The following EML6 variants were observed in gnomAD, a reference collection of about 807,000 sequenced individuals.
EML6 encodes the protein echinoderm microtubule-associated protein-like 6.
A neutral mutation model predicts 240.1 loss-of-function variants in EML6; 154 were observed. The ratio of observed to expected loss-of-function variants is 0.64; its 90% CI spans 0.56 to 0.73. The LOEUF is 0.73. Among genes scored for constraint, EML6 ranks in the 30% least tolerant of loss-of-function variants. The pLI is 0.00. For missense variants in EML6, 2,964 were observed against 2,474.6 expected (o/e 1.20, Z -4.20); for synonymous variants, 1,148 against 899.0 (o/e 1.28, Z -4.95).
chr2:54,856,344 C>T (rs1336186260), intron 11 of EML6, among the ~76,000 whole-genome samples: 1 of 152,222 alleles, frequency 6.6e-6, no homozygotes, highest in East Asian at 1.9e-4. Context: ...CGCACCCCTA[C>T]TCCAATGGGA....
intron 17 of EML6, among the ~76,000 whole-genome samples, chr2:54,888,996 T>C (rs1417566110): frequency 1.3e-5 from 2 of 152,216 alleles, no homozygotes; most frequent in Non-Finnish European, 2.9e-5. Context: ...ACAAGAGTTC[T>C]TAGCACTCCA....
In EML6 at chr2:54,842,728, G is replaced by C. The variant is rs987111727; in HGVS notation, c.848-1319G>C. ...CAAATAACAAACCCAGTAAGGAACA[G>C]AACAGACTGCAAAAAATCCAAGATA... is the stretch of plus-strand genomic sequence containing the variant. On this transcript the variant is annotated intron_variant, in intron 7 of 41. Transcript: ENST00000356458. 7.2e-5 allele frequency among the ~76,000 whole-genome samples: 11 copies of C among 152,132 alleles called. No individual in the cohort carries two copies. The East Asian group carries it at 2.1e-3, about 29-fold the overall frequency.
At chr2:54,800,586 G>A (rs1322811315) in intron 2 of EML6, among the ~76,000 whole-genome samples, 7 of 151,946 alleles carry the variant, frequency 4.6e-5, no homozygotes, top group South Asian at 2.1e-4. Flanking sequence ...AAGATATAAC[G>A]GCACCCTCCA....
At chr2:54,866,521 A>G (rs1245150495) in intron 13 of EML6, among the ~76,000 whole-genome samples, 3 of 152,186 alleles carry the variant, frequency 2.0e-5, no homozygotes, top group African/African-American at 7.2e-5. Flanking sequence ...AAATTTACTG[A>G]TATATTTTCT....
At chr2:54,773,858 G>C (rs1455212836) in intron 2 of EML6, among the ~76,000 whole-genome samples, 3 of 152,198 alleles carry the variant, frequency 2.0e-5, no homozygotes, top group African/African-American at 7.2e-5. Flanking sequence ...TCTTAGTGTG[G>C]CATGAGAGCA....
At chr2:54,921,374 G>A (rs1674241585) in intron 26 of EML6, among the ~76,000 whole-genome samples, 1 of 152,066 alleles carries the variant, frequency 6.6e-6, no homozygotes, top group Non-Finnish European at 1.5e-5. Context: ...AGCCAAGGAG[G>A]CGAAAGAACT....
At chr2:54,896,531 C>G (rs901417662) in intron 21 of EML6, among the ~76,000 whole-genome samples, 1 of 152,076 alleles carries the variant, frequency 6.6e-6, no homozygotes, top group Non-Finnish European at 1.5e-5. Flanking sequence ...GGTAGTCCTG[C>G]CCAGTTTGGT....
At chr2:54,787,980 G>T (rs538010977) in intron 2 of EML6, among the ~76,000 whole-genome samples, 3 of 151,884 alleles carry the variant, frequency 2.0e-5, no homozygotes, top group Non-Finnish European at 1.5e-5. Flanking sequence ...TCCTCATCTC[G>T]CAGACCCAAA....
At chr2:54,850,797 A>C (rs1670036928) in intron 10 of EML6, among the ~76,000 whole-genome samples, 1 of 152,246 alleles carries the variant, frequency 6.6e-6, no homozygotes, top group Non-Finnish European at 1.5e-5. Flanking sequence ...ACAATGCCTA[A>C]ATGTTTATCA....
intron 2 of EML6, among the ~76,000 whole-genome samples, chr2:54,778,094 G>T (rs1668676304): frequency 1.3e-5 from 2 of 152,044 alleles, no homozygotes; most frequent in Admixed American, 1.3e-4. Flanking sequence ...CAACTGTTTG[G>T]GGTCATTTAG....
At chr2:54,926,662 C>T (rs962261245) in intron 26 of EML6, among the ~76,000 whole-genome samples, 1 of 152,166 alleles carries the variant, frequency 6.6e-6, no homozygotes, top group African/African-American at 2.4e-5. Context: ...CTGTCAATTC[C>T]CTTTATTGTT....
At chr2:54,966,210 G>A (rs1301720272) in intron 38 of EML6, among the ~76,000 whole-genome samples, 2 of 152,214 alleles carry the variant, frequency 1.3e-5, no homozygotes, top group Non-Finnish European at 2.9e-5. Flanking sequence ...CGGGGAGCAT[G>A]TAACAAGGTG....
chr2:54,885,605 C>G (rs923338749), intron 17 of EML6, among the ~76,000 whole-genome samples: 3 of 151,972 alleles, frequency 2.0e-5, no homozygotes, highest in East Asian at 1.9e-4. Context: ...TCCATATTCA[C>G]TTTTTGATTT....
chr2:54,901,815 G>T (rs1041514863), intron 22 of EML6, among the ~76,000 whole-genome samples: 1 of 152,226 alleles, frequency 6.6e-6, no homozygotes, highest in Middle Eastern at 3.2e-3. Flanking sequence ...CCTGGGGTGT[G>T]CTTACAACGC....
intron 2 of EML6, among the ~76,000 whole-genome samples, chr2:54,748,820 T>C (rs72915543): frequency 0.074 from 11,225 of 152,154 alleles, 1,318 homozygotes; most frequent in African/African-American, 0.24. Flanking sequence ...ACCTTGGCCT[T>C]TTAAAATGCT....
At position 54,964,241 on chromosome 2, in the gene EML6, A is replaced by G. The variant is rs577569634; in HGVS notation, c.5330+83A>G. The G allele has an allele frequency of 4.2e-5, 59 of 1,402,506 alleles. 2 individuals are homozygous for G. The South Asian group carries it at 7.8e-4, about 19-fold the overall frequency. 86.9% of individuals were successfully genotyped at this position (1,402,506 alleles called of 1,614,324 possible). On this transcript the variant is annotated intron_variant, in intron 37 of 41. Transcript: ENST00000356458. ...GGTTCCCATTCCAGCCACGGCTGGAATAAAGAACTCAGTTGTGAGAGGGTC... is the reference window on the plus strand; with the variant it reads ...GGTTCCCATTCCAGCCACGGCTGGAGTAAAGAACTCAGTTGTGAGAGGGTC...
At chr2:54,790,557 A>G (rs969096238) in intron 2 of EML6, among the ~76,000 whole-genome samples, 1 of 152,120 alleles carries the variant, frequency 6.6e-6, no homozygotes, top group Non-Finnish European at 1.5e-5. Flanking sequence ...TATCATTCAG[A>G]TACCAGCATT....
chr2:54,921,909 AT>A (rs1303645806), intron 26 of EML6, among the ~76,000 whole-genome samples: 1 of 152,194 alleles, frequency 6.6e-6, no homozygotes, highest in Non-Finnish European at 1.5e-5. Context: ...ATCTCACACC[AT>A]TTAAAAAAAT....
intron 2 of EML6, among the ~76,000 whole-genome samples, chr2:54,798,843 G>C (rs1390474173): frequency 6.6e-6 from 1 of 152,120 alleles, no homozygotes; most frequent in East Asian, 1.9e-4. Flanking sequence ...AAAAATCCTT[G>C]CCTTGGTCTT....
Sources: allele counts gnomAD v4.1 joint callset (sites outside exome capture counted in the v4.1 genomes callset), GRCh38; gene constraint gnomAD v4.1.1; transcripts MANE v1.5; gene names NCBI Gene and HGNC (gene_info 2026-07-23, HGNC 2026-07-21).